Variants in NTNG2 observed in about 807,000 individuals in gnomAD.
The protein encoded by NTNG2 is netrin-G2.
NTNG2 carries 15 observed loss-of-function variants against 47.6 expected under a neutral mutation model. The observed-to-expected ratio is 0.32, with a 90% CI of 0.21 to 0.49. The LOEUF is 0.49. NTNG2 is among the 20% of genes least tolerant of loss of function. The probability of loss-of-function intolerance (pLI) is 0.99; values close to 1 mark genes in which losing one functional copy is unlikely to be tolerated. For missense variants in NTNG2, 578 were observed against 764.6 expected, an observed-to-expected ratio of 0.76 and a Z score of 2.88; for synonymous variants, 307 against 324.6, an observed-to-expected ratio of 0.95 and a Z score of 0.58.
rs542838758 is a variant in NTNG2, at chr9:132,188,148, C to T, written c.214-9818C>T. Among the ~76,000 whole-genome samples the T allele has an allele frequency of 4.6e-5, 7 of 152,360 alleles. No homozygotes were observed. In the East Asian group the frequency reaches 9.7e-4, roughly 21 times the overall value. On this transcript the variant is annotated intron_variant, in intron 2 of 7. Coordinates refer to ENST00000393229, the MANE Select transcript of NTNG2 (RefSeq NM_032536.4). ...GGCTGCCTTTCCTTGCCTTCCCCCACGATTGCTTCCCCCGTGCTCGAGTCC... is the reference window on the plus strand; with the variant it reads ...GGCTGCCTTTCCTTGCCTTCCCCCATGATTGCTTCCCCCGTGCTCGAGTCC...
chr9:132,202,886 T>C (rs1203645696), intron 3 of NTNG2, among the ~76,000 whole-genome samples: 2 of 152,198 alleles, frequency 1.3e-5, no homozygotes, highest in Admixed American at 6.5e-5. Flanking sequence ...TCCATGGAGA[T>C]GGATGACTGT....
At chr9:132,173,817 A>ACAGG in intron 2 of NTNG2, among the ~76,000 whole-genome samples, 1 of 143,368 alleles carries the variant, frequency 7.0e-6, no homozygotes, top group African/African-American at 2.7e-5. Flanking sequence ...GGACGGACAG[A>ACAGG]CAGGCAGGCC....
chr9:132,189,068 C>CTTTTTTTTTTTTT (rs749756559), intron 2 of NTNG2, among the ~76,000 whole-genome samples: 1,864 of 93,256 alleles, frequency 0.02, 321 homozygotes, highest in East Asian at 0.048. Flanking sequence ...TTAAGCCTTT[C>CTTTTTTTTTTTTT]TTTTTTTTTT....
chr9:132,187,643 A>G (rs1837507945), intron 2 of NTNG2, among the ~76,000 whole-genome samples: 1 of 152,138 alleles, frequency 6.6e-6, no homozygotes, highest in Non-Finnish European at 1.5e-5. Flanking sequence ...TCAGAGAGTT[A>G]GAGACCGTCA....
chr9:132,204,201 C>T (rs937491955), intron 3 of NTNG2, among the ~76,000 whole-genome samples: 1 of 152,178 alleles, frequency 6.6e-6, no homozygotes, highest in East Asian at 1.9e-4. Context: ...CCTGGACGGG[C>T]AGATCTGAGC....
chr9:132,228,356 G>A (rs930060678), intron 4 of NTNG2, among the ~76,000 whole-genome samples: 6 of 152,180 alleles, frequency 3.9e-5, no homozygotes, highest in African/African-American at 1.2e-4. Context: ...AGAGCACTCC[G>A]GGGGCTGACA....
intron 5 of NTNG2, among the ~76,000 whole-genome samples, chr9:132,237,972 T>G (rs899813430): frequency 6.6e-6 from 1 of 152,174 alleles, no homozygotes; most frequent in African/African-American, 2.4e-5. Flanking sequence ...CCATCTCTCC[T>G]GGGCACAGGC....
chr9:132,177,399 C>T (rs1399833638), intron 2 of NTNG2, among the ~76,000 whole-genome samples: 2 of 152,218 alleles, frequency 1.3e-5, no homozygotes, highest in Non-Finnish European at 2.9e-5. Context: ...TATTTACCCC[C>T]ATATTTTCTT....
intron 6 of NTNG2, chr9:132,240,555 G>C (rs1272357186): frequency 5.1e-6 from 2 of 394,642 alleles, no homozygotes; most frequent in Non-Finnish European, 9.5e-6. Flanking sequence ...AGTGGCCTCT[G>C]CTGAGTTTCT....
chr9:132,172,365 T>TTAGAA (rs1324502896), intron 2 of NTNG2, among the ~76,000 whole-genome samples: 3 of 152,172 alleles, frequency 2.0e-5, no homozygotes, highest in Non-Finnish European at 4.4e-5. Flanking sequence ...AATGGAGAGT[T>TTAGAA]TAGAATCCCG....
At position 132,180,509 on chromosome 9, in the gene NTNG2, C is replaced by A. The variant is rs886188269; in HGVS notation, c.213+13465C>A. 3.9e-5 allele frequency among the ~76,000 whole-genome samples: 6 copies of A among 152,240 alleles called. No individual in the cohort carries two copies. The highest frequency in any genetic ancestry group is 3.9e-4 in the Admixed American group (6 of 15,288). ...TTGCCCACAGTTCTGGGGCTGGCAC[C>A]GTCCTGGGGCTCAGCTCCTAGGGAC... On this transcript the variant is annotated intron_variant, in intron 2 of 7. Transcript: ENST00000393229. The surrounding 1 kb of genome is among the most constrained non-coding windows in gnomAD (Gnocchi z 4.2).
chr9:132,170,585 G>A lies in NTNG2; in HGVS notation c.213+3541G>A, dbSNP rs377071434. ...CTGGCATTGGGAGGTGCCCCTTAGC[G>A]CTCTGCAAGACACGTCTCCCGCCAG... On this transcript the variant is annotated intron_variant, in intron 2 of 7. Coordinates refer to ENST00000393229, the MANE Select transcript of NTNG2 (RefSeq NM_032536.4). Among the ~76,000 whole-genome samples the A allele has an allele frequency of 1.0e-3, 152 of 152,308 alleles. 1 individual carries two copies. Among genetic ancestry groups the A allele is most frequent in the African/African-American group, 3.4e-3 (141 of 41,572 alleles).
intron 5 of NTNG2, among the ~76,000 whole-genome samples, chr9:132,238,622 T>C (rs1003914962): frequency 6.9e-4 from 105 of 152,320 alleles, no homozygotes; most frequent in Middle Eastern, 3.4e-3. Context: ...TCCTGGCCCA[T>C]TGCATCTTGT....
chr9:132,244,496 A>AG lies in NTNG2; in HGVS notation c.*2386dup, dbSNP rs1234834669. 3 of 152,242 alleles carry AG rather than the reference A, an allele frequency of 2.0e-5. No individual in the cohort carries two copies. The highest frequency in any genetic ancestry group is 1.3e-4 in the Admixed American group (2 of 15,280). The allele number at this position is 152,242 out of a possible 1,614,324, so 9.4% of individuals were successfully genotyped here. A position where few individuals can be genotyped will look rare whatever the true frequency, so the allele number is the denominator to read the frequency against. On this transcript the variant is annotated 3_prime_UTR_variant, in exon 8 of 8. Transcript: ENST00000393229. Reference sequence around the variant, plus strand: ...CACCACCTGCCTGTCTTACTGTGTGAGAAAAAAAATAAACGGTGATGTGAT... The same window carrying AG: ...CACCACCTGCCTGTCTTACTGTGTGAGGAAAAAAAATAAACGGTGATGTGAT...
At chr9:132,216,025 G>A (rs1457157309) in intron 3 of NTNG2, among the ~76,000 whole-genome samples, 2 of 152,114 alleles carry the variant, frequency 1.3e-5, no homozygotes, top group African/African-American at 4.8e-5. Context: ...CCACTTCCTA[G>A]GGTTACAGGA....
intron 2 of NTNG2, among the ~76,000 whole-genome samples, chr9:132,168,695 G>A (rs113820976): frequency 0.014 from 2,070 of 152,222 alleles, 51 homozygotes; most frequent in African/African-American, 0.047. Flanking sequence ...CCAGGATAGG[G>A]GCTGGTACTC....
chr9:132,211,263 G>A (rs2130827765), intron 3 of NTNG2, among the ~76,000 whole-genome samples: 1 of 152,274 alleles, frequency 6.6e-6, no homozygotes, highest in Admixed American at 6.5e-5. Flanking sequence ...CCCACTCTCA[G>A]CCTGAACTAG....
At position 132,163,497 on chromosome 9, in the gene NTNG2, G is replaced by A. The variant is rs920508318; in HGVS notation, c.-484+1258G>A. On this transcript the variant is annotated intron_variant, in intron 1 of 7. Coordinates refer to ENST00000393229, the MANE Select transcript of NTNG2 (RefSeq NM_032536.4). The surrounding 1 kb of genome is among the most constrained non-coding windows in gnomAD (Gnocchi z 7.2). ...CCGCTGGACCCCGCCCGGGGCAGAG[G>A]ACGGGAAGGTGACCCCGCCGGCCAA... Among the ~76,000 whole-genome samples the A allele has an allele frequency of 6.6e-6, 1 of 152,112 alleles. No individual in the cohort carries two copies.
rs1278161307 is a variant in NTNG2, at chr9:132,231,323, G to A, written c.1054+728G>A. The A allele has an allele frequency of 4.4e-6, 2 of 456,314 alleles. No individual in the cohort carries two copies. Among genetic ancestry groups the A allele is most frequent in the Admixed American group, 2.4e-5 (1 of 42,542 alleles). 28.3% of individuals were successfully genotyped at this position (456,314 alleles called of 1,614,324 possible). On this transcript the variant is annotated intron_variant, in intron 5 of 7. Coordinates refer to ENST00000393229, the MANE Select transcript of NTNG2 (RefSeq NM_032536.4). The surrounding 1 kb of genome is among the most constrained non-coding windows in gnomAD (Gnocchi z 4.1). The stretch of plus-strand genomic sequence containing the variant: ...TGCAAACCCCTCCCCCTGGGAGGTC[G>A]CCATCTGCTCTGCGAGGCAGCAGGA...
Sources: allele counts gnomAD v4.1 joint callset (sites outside exome capture counted in the v4.1 genomes callset), GRCh38; gene constraint gnomAD v4.1.1; non-coding constraint Gnocchi (gnomAD v3.1); transcripts MANE v1.5; gene names NCBI Gene and HGNC (gene_info 2026-07-23, HGNC 2026-07-21).